DCDC2: variants seen among roughly 807,000 people sequenced by gnomAD.
DCDC2 encodes doublecortin domain-containing protein 2.
In DCDC2, 40 loss-of-function variants were observed where a neutral mutation model predicts 50.2. The observed-to-expected ratio is 0.80, with a 90% CI of 0.62 to 1.04. The LOEUF (loss-of-function observed/expected upper bound fraction) is 1.04, where lower values mean the gene tolerates loss of function less well. DCDC2 is among the 50% of genes least tolerant of loss of function. The pLI is 0.00. For synonymous variants in DCDC2, 234 were observed against 210.6 expected (o/e 1.11, Z -0.96); for missense variants, 570 against 581.9 (o/e 0.98, Z 0.21).
chr6:24,204,080 G>A (rs926670435), intron 8 of DCDC2, among the ~76,000 whole-genome samples: 9 of 152,114 alleles, frequency 5.9e-5, no homozygotes, highest in Non-Finnish European at 5.9e-5. Flanking sequence ...ACAATGTGGC[G>A]ATACCTCAAG....
upstream of DCDC2, among the ~76,000 whole-genome samples, chr6:24,358,914 A>ATATATATTATATATTATATATTATATAT (rs1229637570): frequency 5.6e-5 from 2 of 35,978 alleles, no homozygotes; most frequent in Admixed American, 5.4e-4. Context: ...ATTATATATT[A>ATATATATTATATATTATATATTATATAT]TATATATTAT....
Position 24,194,129 on chromosome 6 carries a change from C to T in DCDC2, c.1023+10873G>A, listed in dbSNP as rs57559071. Among the ~76,000 whole-genome samples, 431 of 152,118 alleles carry T rather than the reference C, an allele frequency of 2.8e-3. 1 individual carries two copies. The highest frequency in any genetic ancestry group is 1.0e-2 in the African/African-American group (415 of 41,522). On this transcript the variant is annotated intron_variant, in intron 8 of 9. Coordinates refer to ENST00000378454, the MANE Select transcript of DCDC2 (RefSeq NM_016356.5). ...TATAGCAGTACTCCATGAGAAATAG[C>T]TAAACTAGTTCAAATCAGGTAACTG...
intron 2 of DCDC2, among the ~76,000 whole-genome samples, chr6:24,317,288 C>T (rs897880781): frequency 6.6e-6 from 1 of 151,788 alleles, no homozygotes; most frequent in African/African-American, 2.4e-5. Context: ...TGTGCATAGA[C>T]AAATAGACCA....
At chr6:24,302,109 G>A in intron 2 of DCDC2, 65 bp from the exon 3 acceptor site, 1 of 1,431,398 alleles carries the variant, frequency 7.0e-7, no homozygotes, top group South Asian at 1.3e-5. Flanking sequence ...TTTCCTATGA[G>A]GAAAATCTAC....
At chr6:24,343,278 T>C (rs536647106) in intron 2 of DCDC2, among the ~76,000 whole-genome samples, 3 of 152,188 alleles carry the variant, frequency 2.0e-5, no homozygotes, top group East Asian at 3.9e-4. Context: ...CTCGATCTCC[T>C]GACTTCGTGA....
At chr6:24,226,790 C>G (rs1408546370) in intron 7 of DCDC2, among the ~76,000 whole-genome samples, 1 of 152,152 alleles carries the variant, frequency 6.6e-6, no homozygotes, top group Admixed American at 6.5e-5. Context: ...GGAAGAAACA[C>G]AAGCCAAAAG....
intron 6 of DCDC2, 55 bp downstream of exon 6, chr6:24,288,797 T>A (rs903655710): frequency 6.6e-7 from 1 of 1,509,300 alleles, no homozygotes; most frequent in Non-Finnish European, 9.2e-7. Context: ...AAGGACAGTC[T>A]CTTTGTATCA....
chr6:24,207,256 T>TCTCTC (rs1761735602), intron 7 of DCDC2, among the ~76,000 whole-genome samples: 96 of 129,680 alleles, frequency 7.4e-4, no homozygotes, highest in African/African-American at 2.3e-3. Context: ...CCATCTATCT[T>TCTCTC]TCTCTCTCTC....
chr6:24,248,114 T>A (rs116238755), intron 7 of DCDC2, among the ~76,000 whole-genome samples: 1 of 152,216 alleles, frequency 6.6e-6, no homozygotes, highest in African/African-American at 2.4e-5. Flanking sequence ...AAGAATGTTC[T>A]AACGTTCTTT....
In DCDC2 at chr6:24,278,042, C is replaced by T. The variant is rs1763396747; in HGVS notation, c.922+7G>A. On this transcript the variant is annotated splice_region_variant and intron_variant, in intron 7 of 9. Transcript: ENST00000378454. ...TCACAGCCTTAAGATAATAATAACA[C>T]ACTTACCACTATTTGGAATGGTTTC... is the stretch of plus-strand genomic sequence containing the variant. The T allele has an allele frequency of 6.2e-7, 1 of 1,601,482 alleles. No individual in the cohort carries two copies. The highest frequency in any genetic ancestry group is 8.5e-7 in the Non-Finnish European group (1 of 1,171,196).
At chr6:24,279,158 G>A (rs1269480893) in intron 6 of DCDC2, among the ~76,000 whole-genome samples, 1 of 152,170 alleles carries the variant, frequency 6.6e-6, no homozygotes, top group Admixed American at 6.5e-5. Context: ...CCACTACATT[G>A]GGGGCTACTG....
intron 7 of DCDC2, among the ~76,000 whole-genome samples, chr6:24,214,244 GC>G (rs1761931650): frequency 6.6e-6 from 1 of 152,058 alleles, no homozygotes; most frequent in Non-Finnish European, 1.5e-5. Context: ...TTAACTGTTT[GC>G]ATAGAATTGA....
intron 8 of DCDC2, among the ~76,000 whole-genome samples, chr6:24,186,534 A>G (rs1368150170): frequency 3.3e-5 from 5 of 152,192 alleles, no homozygotes; most frequent in Admixed American, 2.6e-4. Context: ...TGGTCCCCTC[A>G]GTAGCTGAAA....
At chr6:24,183,436 A>G (rs1309640360) in intron 8 of DCDC2, among the ~76,000 whole-genome samples, 1 of 152,180 alleles carries the variant, frequency 6.6e-6, no homozygotes, top group Non-Finnish European at 1.5e-5. Flanking sequence ...GGAAGTCGAG[A>G]GTTTTCCTTT....
At chr6:24,258,281 G>A (rs1244091599) in intron 7 of DCDC2, among the ~76,000 whole-genome samples, 3 of 152,106 alleles carry the variant, frequency 2.0e-5, no homozygotes, top group African/African-American at 7.2e-5. Flanking sequence ...GGGGCGGGGG[G>A]TGGCCAGCTT....
chr6:24,287,102 C>G (rs1763629049), intron 6 of DCDC2, among the ~76,000 whole-genome samples: 1 of 152,180 alleles, frequency 6.6e-6, no homozygotes, highest in Non-Finnish European at 1.5e-5. Flanking sequence ...GTGGGCTGCC[C>G]TCTATTCAAG....
At chr6:24,178,730 A>G (rs188567133) in intron 8 of DCDC2, 98 bp from the exon 9 acceptor site, 1 of 1,232,892 alleles carries the variant, frequency 8.1e-7, no homozygotes, top group East Asian at 2.3e-5. Context: ...ACAGTCAAGT[A>G]AAACATTCTT....
upstream of DCDC2, among the ~76,000 whole-genome samples, chr6:24,360,508 T>C (rs957209739): frequency 1.3e-5 from 2 of 152,174 alleles, no homozygotes; most frequent in African/African-American, 4.8e-5. Flanking sequence ...TCTGTGCTAT[T>C]TGTGTAGATT....
intron 7 of DCDC2, among the ~76,000 whole-genome samples, chr6:24,275,734 G>T (rs1763337850): frequency 6.6e-6 from 1 of 151,964 alleles, no homozygotes; most frequent in Non-Finnish European, 1.5e-5. Flanking sequence ...GAACAGGAAG[G>T]CTTATACCTT....
Sources: gnomAD v4.1 joint callset for allele counts (sites outside exome capture counted in the v4.1 genomes callset) on GRCh38, gnomAD v4.1.1 for gene constraint, MANE v1.5 for transcripts, NCBI Gene and HGNC (gene_info 2026-07-23, HGNC 2026-07-21) for gene names.